The following MYLK3 variants were observed in gnomAD, a reference collection of about 807,000 sequenced individuals.
MYLK3 encodes myosin light chain kinase 3.
A neutral mutation model predicts 76.3 loss-of-function variants in MYLK3; 55 were observed. The ratio of observed to expected loss-of-function variants is 0.72; its 90% confidence interval spans 0.58 to 0.90. The LOEUF (loss-of-function observed/expected upper bound fraction) is 0.90, where lower values mean the gene tolerates loss of function less well. Among genes scored for constraint, MYLK3 ranks in the 40% least tolerant of loss-of-function variants. The pLI, the probability that MYLK3 is intolerant of heterozygous loss-of-function variation, is 0.00. For synonymous variants in MYLK3, 416 were observed against 425.4 expected (o/e 0.98, Z 0.27); for missense variants, 973 against 1,053.6 (o/e 0.92, Z 1.06).
chr16:46,746,889 C>T (rs770393188), intron 1 of MYLK3, among the ~76,000 whole-genome samples: 5 of 152,020 alleles, frequency 3.3e-5, no homozygotes, highest in Non-Finnish European at 5.9e-5. Context: ...TGGCCTGGTG[C>T]GGGGAGGGGA....
chr16:46,711,995 T>C (rs1392959378), intron 10 of MYLK3, among the ~76,000 whole-genome samples: 1 of 151,516 alleles, frequency 6.6e-6, no homozygotes, highest in Non-Finnish European at 1.5e-5. Context: ...CATAATTTTT[T>C]TTTTTTTTTT....
Position 46,707,546 on chromosome 16 carries a change from T to G in MYLK3, c.*158A>C, listed in dbSNP as rs1966638261. On this transcript the variant is annotated 3_prime_UTR_variant, in exon 13 of 13. Coordinates refer to ENST00000394809, the MANE Select transcript of MYLK3 (RefSeq NM_182493.3). The stretch of plus-strand genomic sequence containing the variant: ...TCTTAGGAAGCTTCTTTACAGCCAC[T>G]TTTCATCCACAAGGAAGGCAGCAGC... The G allele has an allele frequency of 1.8e-6, 1 of 565,814 alleles. No individual in the cohort carries two copies. The highest frequency in any genetic ancestry group is 1.9e-5 in the African/African-American group (1 of 52,590). The allele number at this position is 565,814 out of a possible 1,614,324, so 35.0% of individuals were successfully genotyped here.
chr16:46,712,625 G>C lies in MYLK3; in HGVS notation c.2114+23C>G, dbSNP rs370898636. On this transcript the variant is annotated intron_variant, in intron 10 of 12. Coordinates refer to ENST00000394809, the MANE Select transcript of MYLK3 (RefSeq NM_182493.3). The stretch of plus-strand genomic sequence containing the variant: ...ACAAATGACCCCTGTCCCCACTTCA[G>C]AGCCAGGGTGCTAAGCACTCACAGC... The C allele has an allele frequency of 3.5e-6, 5 of 1,427,176 alleles. No homozygotes were observed. In the African/African-American group the frequency reaches 7.3e-5, roughly 21 times the overall value. 88.4% of individuals were successfully genotyped at this position (1,427,176 alleles called of 1,614,324 possible).
At chr16:46,739,930 C>CA (rs1966901803) in intron 2 of MYLK3, 127 bp downstream of exon 2, 1 of 701,462 alleles carries the variant, frequency 1.4e-6, no homozygotes, top group Non-Finnish European at 2.4e-6. Context: ...AAAAACCCTG[C>CA]AAAAACAAGA....
intron 1 of MYLK3, among the ~76,000 whole-genome samples, chr16:46,746,927 C>T (rs1226473511): frequency 6.6e-6 from 1 of 152,130 alleles, no homozygotes; most frequent in Admixed American, 6.6e-5. Context: ...GGCAGGCAGC[C>T]GACACAGAGT....
At chr16:46,761,142 G>C (rs570226534) in intron 1 of MYLK3, among the ~76,000 whole-genome samples, 57 of 152,322 alleles carry the variant, frequency 3.7e-4, no homozygotes, top group African/African-American at 1.3e-3. Flanking sequence ...GACTTGGAAG[G>C]CTAAGAAAAG....
chr16:46,734,032 C>G (rs1347471841), intron 3 of MYLK3, among the ~76,000 whole-genome samples: 1 of 152,142 alleles, frequency 6.6e-6, no homozygotes, highest in Admixed American at 6.5e-5. Context: ...AGGATTACCG[C>G]ATGTTTCAGC....
In MYLK3 at chr16:46,704,157, T is replaced by G. The variant is rs1372366424; in HGVS notation, c.*3547A>C. On this transcript the variant is annotated 3_prime_UTR_variant, in exon 13 of 13. Coordinates refer to ENST00000394809, the MANE Select transcript of MYLK3 (RefSeq NM_182493.3). The stretch of plus-strand genomic sequence containing the variant: ...CAAAGTTTTGCTCTGCCACCCAGGC[T>G]GGAGTGCAGTGGTGTGATCTCAGCT... 1 of 152,258 alleles carries G rather than the reference T, an allele frequency of 6.6e-6. No homozygotes were observed. The highest frequency in any genetic ancestry group is 1.5e-5 in the Non-Finnish European group (1 of 68,064). The allele number at this position is 152,258 out of a possible 1,614,324, so 9.4% of individuals were successfully genotyped here. A position where few individuals can be genotyped will look rare whatever the true frequency, so the allele number is the denominator to read the frequency against.
intron 3 of MYLK3, among the ~76,000 whole-genome samples, chr16:46,732,957 G>A (rs944049130): frequency 3.3e-5 from 5 of 152,156 alleles, no homozygotes; most frequent in Non-Finnish European, 7.4e-5. Context: ...GGGAGGCCCG[G>A]GTCCCTCTAC....
At chr16:46,757,872 A>C (rs1967220662) in intron 1 of MYLK3, among the ~76,000 whole-genome samples, 1 of 152,180 alleles carries the variant, frequency 6.6e-6, no homozygotes, top group African/African-American at 2.4e-5. Flanking sequence ...AAAACCCCAC[A>C]TCCGGGTGCA....
chr16:46,759,155 A>G (rs1170968094), intron 1 of MYLK3, among the ~76,000 whole-genome samples: 1 of 152,250 alleles, frequency 6.6e-6, no homozygotes, highest in African/African-American at 2.4e-5. Flanking sequence ...GTTTGCTCCC[A>G]GGATCTTACT....
At chr16:46,753,949 A>G (rs1967164150) in intron 1 of MYLK3, among the ~76,000 whole-genome samples, 1 of 152,224 alleles carries the variant, frequency 6.6e-6, no homozygotes, top group South Asian at 2.1e-4. Flanking sequence ...TTGTGGCCAC[A>G]GAAAAGCGTG....
intron 9 of MYLK3, among the ~76,000 whole-genome samples, chr16:46,717,524 G>C (rs1327427441): frequency 2.0e-5 from 3 of 149,650 alleles, no homozygotes; most frequent in African/African-American, 7.3e-5. Flanking sequence ...ATCTTCCACT[G>C]TATGTTCCCC....
At chr16:46,746,209 AC>A (rs1253989216) in intron 1 of MYLK3, among the ~76,000 whole-genome samples, 2 of 152,078 alleles carry the variant, frequency 1.3e-5, no homozygotes, top group African/African-American at 4.8e-5. Flanking sequence ...TACTTATAAT[AC>A]CTAATAAAAT....
At position 46,707,145 on chromosome 16, in the gene MYLK3, T is replaced by C. The variant is rs1008262299; in HGVS notation, c.*559A>G. The C allele has an allele frequency of 2.0e-5, 3 of 152,264 alleles. No individual in the cohort carries two copies. Among genetic ancestry groups the C allele is most frequent in the Non-Finnish European group, 2.9e-5 (2 of 68,068 alleles). The allele number at this position is 152,264 out of a possible 1,614,324, so 9.4% of individuals were successfully genotyped here. ...AATGATCACTTCTTTGATTTGGCTA[T>C]GAGAGTTGACATATTTTGACATTTC... On this transcript the variant is annotated 3_prime_UTR_variant, in exon 13 of 13. Coordinates refer to ENST00000394809, the MANE Select transcript of MYLK3 (RefSeq NM_182493.3).
chr16:46,710,971 G>T, intron 10 of MYLK3, 182 bp from the exon 11 acceptor site: 1 of 672,530 alleles, frequency 1.5e-6, no homozygotes, highest in Non-Finnish European at 2.5e-6. Flanking sequence ...GGGAGGAAGC[G>T]GAAGGATTTA....
At chr16:46,748,430 T>G, upstream of MYLK3, 1 of 679,478 alleles carries the variant, frequency 1.5e-6, no homozygotes, top group Non-Finnish European at 2.3e-6. The surrounding 1 kb of genome is among the most constrained non-coding windows in gnomAD (Gnocchi z 4.3). Flanking sequence ...CAGGCCGAGG[T>G]CAGCCCAGGC....
At chr16:46,754,838 T>C (rs1381920375) in intron 1 of MYLK3, among the ~76,000 whole-genome samples, 1 of 151,848 alleles carries the variant, frequency 6.6e-6, no homozygotes, top group African/African-American at 2.4e-5. Flanking sequence ...TTGAAGACAT[T>C]ACACCACCAT....
upstream of MYLK3, among the ~76,000 whole-genome samples, chr16:46,750,892 C>T (rs780248168): frequency 2.6e-4 from 40 of 152,122 alleles, 2 homozygotes; most frequent in Non-Finnish European, 5.1e-4. Context: ...ACTTGGGAGG[C>T]TGAGGCAGGA....
Sources: gnomAD v4.1 joint callset for allele counts (sites outside exome capture counted in the v4.1 genomes callset) on GRCh38, gnomAD v4.1.1 for gene constraint, Gnocchi (gnomAD v3.1) non-coding constraint, MANE v1.5 for transcripts, NCBI Gene and HGNC (gene_info 2026-07-23, HGNC 2026-07-21) for gene names.